The following CCDC85C variants were observed in gnomAD, a reference collection of about 807,000 sequenced individuals.
CCDC85C encodes coiled-coil domain-containing protein 85C.
Under a neutral mutation model 38.3 loss-of-function variants are expected in CCDC85C, and 18 were observed. The observed-to-expected ratio is 0.47, with a 90% CI of 0.33 to 0.70. CCDC85C has a LOEUF of 0.70. Among genes scored for constraint, CCDC85C ranks in the 30% least tolerant of loss-of-function variants. The pLI is 0.03. For missense variants in CCDC85C, 566 were observed against 621.2 expected, an observed-to-expected ratio of 0.91 and a Z score of 0.94; for synonymous variants, 264 against 293.8, an observed-to-expected ratio of 0.90 and a Z score of 1.04.
chr14:99,510,785 T>G lies in CCDC85C; in HGVS notation c.*4461A>C, dbSNP rs1897111193. 9 of 1,431,134 alleles carry G rather than the reference T, an allele frequency of 6.3e-6. No homozygotes were observed. The highest frequency in any genetic ancestry group is 2.0e-4 in the Middle Eastern group (1 of 4,884). 88.7% of individuals were successfully genotyped at this position (1,431,134 alleles called of 1,614,324 possible). ...GGCGGGCAGCCTGGATGAGATAACGTGAGCCTTTTTTCCCTCTTTGTTTTT... is the reference window on the plus strand; with the variant it reads ...GGCGGGCAGCCTGGATGAGATAACGGGAGCCTTTTTTCCCTCTTTGTTTTT... On this transcript the variant is annotated 3_prime_UTR_variant, in exon 6 of 6. Coordinates refer to ENST00000380243, the MANE Select transcript of CCDC85C (RefSeq NM_001144995.2).
At chr14:99,598,869 G>A (rs2055170520) in intron 1 of CCDC85C, among the ~76,000 whole-genome samples, 1 of 152,198 alleles carries the variant, frequency 6.6e-6, no homozygotes. Flanking sequence ...TGCTGTTTGT[G>A]GCAAACTGTG....
chr14:99,527,652 C>T (rs1220225475), intron 2 of CCDC85C, among the ~76,000 whole-genome samples: 1 of 152,166 alleles, frequency 6.6e-6, no homozygotes, highest in African/African-American at 2.4e-5. Context: ...TCATGCTGAC[C>T]CTCAGAACTG....
At chr14:99,519,832 G>A (rs998139224) in intron 3 of CCDC85C, among the ~76,000 whole-genome samples, 6 of 152,210 alleles carry the variant, frequency 3.9e-5, no homozygotes, top group Non-Finnish European at 7.3e-5. Context: ...CCATTTATAC[G>A]AAATATCCAG....
rs1298352006 is a variant in CCDC85C, at chr14:99,548,335, C to T, written c.794-12247G>A. 6.6e-6 allele frequency among the ~76,000 whole-genome samples: 1 copy of T among 152,050 alleles called. No homozygotes were observed. Among genetic ancestry groups the T allele is most frequent in the African/African-American group, 2.4e-5 (1 of 41,402 alleles). ...CAACCGCAGGTGTCATCAAGGAAACCCAATTCCGACAATGAGATGCCACTG... is the reference window on the plus strand; with the variant it reads ...CAACCGCAGGTGTCATCAAGGAAACTCAATTCCGACAATGAGATGCCACTG... On this transcript the variant is annotated intron_variant, in intron 1 of 5. Transcript: ENST00000380243. The surrounding 1 kb of genome is among the most constrained non-coding windows in gnomAD (Gnocchi z 4.9).
Position 99,530,829 on chromosome 14 carries a change from G to A in CCDC85C, c.867+5186C>T, listed in dbSNP as rs558427281. Among the ~76,000 whole-genome samples the A allele has an allele frequency of 2.7e-3, 412 of 152,334 alleles. 2 individuals are homozygous for A. Among genetic ancestry groups the A allele is most frequent in the Non-Finnish European group, 4.3e-3 (295 of 68,026 alleles). ...CCACACAGCAGGTGAGCGCTGGGGC[G>A]GGGGCTATTGGAGTTTACAGGGAGA... On this transcript the variant is annotated intron_variant, in intron 2 of 5. Transcript: ENST00000380243.
chr14:99,583,590 A>G (rs1235692661), intron 1 of CCDC85C, among the ~76,000 whole-genome samples: 1 of 151,984 alleles, frequency 6.6e-6, no homozygotes, highest in Non-Finnish European at 1.5e-5. Flanking sequence ...GCGGATCACA[A>G]GGTCAGAAGT....
chr14:99,546,141 G>A (rs372701193), intron 1 of CCDC85C, among the ~76,000 whole-genome samples: 1 of 152,030 alleles, frequency 6.6e-6, no homozygotes, highest in African/African-American at 2.4e-5. Context: ...GAATTTTGCT[G>A]GTTTCAGGAG....
Position 99,516,067 on chromosome 14 carries a change from C to T in CCDC85C, c.1170+121G>A, listed in dbSNP as rs996819450. 2.5e-6 allele frequency: 2 copies of T among 809,258 alleles called. No homozygotes were observed. The highest frequency in any genetic ancestry group is 2.1e-5 in the Admixed American group (1 of 48,278). 50.1% of individuals were successfully genotyped at this position (809,258 alleles called of 1,614,324 possible). On this transcript the variant is annotated intron_variant, in intron 5 of 5. Coordinates refer to ENST00000380243, the MANE Select transcript of CCDC85C (RefSeq NM_001144995.2). This position sits in a 1 kb window ranked among gnomAD's most constrained non-coding sequence, Gnocchi z 5.5. ...GCCTCCCCCCAGCTATCCAAGGTCA[C>T]CCAGCCTTCGCTGAGCATTCGAGAA...
At chr14:99,531,285 C>T (rs1473903571) in intron 2 of CCDC85C, among the ~76,000 whole-genome samples, 2 of 152,106 alleles carry the variant, frequency 1.3e-5, no homozygotes, top group Admixed American at 1.3e-4. Context: ...GTAAAGCTGG[C>T]TTTTTTGGCG....
chr14:99,599,878 T>C (rs2055181599), intron 1 of CCDC85C, among the ~76,000 whole-genome samples: 3 of 152,108 alleles, frequency 2.0e-5, no homozygotes, highest in Admixed American at 2.0e-4. Flanking sequence ...TGTCTCTAAA[T>C]AAATAATAAA....
At position 99,503,116 on chromosome 14, in the gene CCDC85C, G is replaced by A. The variant is rs1036436108; in HGVS notation, c.*12130C>T. On this transcript the variant is annotated 3_prime_UTR_variant, in exon 6 of 6. Coordinates refer to ENST00000380243, the MANE Select transcript of CCDC85C (RefSeq NM_001144995.2). ...GGGTGTTCGCCGAAACTCGCAGTCC[G>A]ACTGCTTGTCGGTGGGGAGCCTGAA... is the stretch of plus-strand genomic sequence containing the variant. The A allele has an allele frequency of 8.7e-5, 91 of 1,049,910 alleles. No individual in the cohort carries two copies. The highest frequency in any genetic ancestry group is 6.7e-4 in the African/African-American group (43 of 64,226). 65.0% of individuals were successfully genotyped at this position (1,049,910 alleles called of 1,614,324 possible). A position where few individuals can be genotyped will look rare whatever the true frequency, so the allele number is the denominator to read the frequency against.
chr14:99,513,753 G>T lies in CCDC85C; in HGVS notation c.*1493C>A. ...GAGCACAGGAGTCTGACGAGGACCT[G>T]GTGAGGTCCTGGACCCAAGAGCTAG... On this transcript the variant is annotated 3_prime_UTR_variant, in exon 6 of 6. Coordinates refer to ENST00000380243, the MANE Select transcript of CCDC85C (RefSeq NM_001144995.2). 6.6e-6 allele frequency: 1 copy of T among 152,406 alleles called. No individual in the cohort carries two copies. 9.4% of individuals were successfully genotyped at this position (152,406 alleles called of 1,614,324 possible).
chr14:99,537,305 A>T (rs1897622674), intron 1 of CCDC85C, among the ~76,000 whole-genome samples: 1 of 152,046 alleles, frequency 6.6e-6, no homozygotes, highest in African/African-American at 2.4e-5. Context: ...TCTAGTCCCC[A>T]TCACCACCTC....
chr14:99,601,786 T>C (rs1595113003), intron 1 of CCDC85C, among the ~76,000 whole-genome samples: 1 of 152,124 alleles, frequency 6.6e-6, no homozygotes, highest in African/African-American at 2.4e-5. Flanking sequence ...GTTGTAGCCA[T>C]AGATTGCTAA....
chr14:99,560,287 G>A (rs544033694), intron 1 of CCDC85C, among the ~76,000 whole-genome samples: 126 of 152,340 alleles, frequency 8.3e-4, no homozygotes, highest in Non-Finnish European at 1.2e-3. Context: ...GTAGGGTGAA[G>A]GGGCAGCCAG....
chr14:99,519,444 G>A (rs1312839895), intron 3 of CCDC85C, among the ~76,000 whole-genome samples: 1 of 152,050 alleles, frequency 6.6e-6, no homozygotes, highest in Non-Finnish European at 1.5e-5. Flanking sequence ...GACAAGGAGA[G>A]TGAGGCTAAG....
At chr14:99,581,336 C>T (rs760219384) in intron 1 of CCDC85C, among the ~76,000 whole-genome samples, 17 of 152,214 alleles carry the variant, frequency 1.1e-4, no homozygotes, top group Non-Finnish European at 2.1e-4. Context: ...TGGTCAGACC[C>T]ACCAGATGCT....
intron 1 of CCDC85C, among the ~76,000 whole-genome samples, chr14:99,553,511 C>T (rs1008336898): frequency 3.0e-4 from 46 of 152,156 alleles, no homozygotes; most frequent in African/African-American, 1.1e-3. Context: ...ACTACAGGCA[C>T]GTGCCACCAC....
Position 99,509,599 on chromosome 14 carries a change from A to T in CCDC85C, c.*5647T>A, listed in dbSNP as rs1187553023. On this transcript the variant is annotated 3_prime_UTR_variant, in exon 6 of 6. Coordinates refer to ENST00000380243, the MANE Select transcript of CCDC85C (RefSeq NM_001144995.2). ...CCTCTCAAGGAGGCTGCTATCTGAG[A>T]GCACACAGTGGGGTTTGATGTAGCC... is the stretch of plus-strand genomic sequence containing the variant. 1.2e-5 allele frequency: 2 copies of T among 160,514 alleles called. No homozygotes were observed. Among genetic ancestry groups the T allele is most frequent in the Non-Finnish European group, 2.7e-5 (2 of 72,854 alleles). The allele number at this position is 160,514 out of a possible 1,614,324, so 9.9% of individuals were successfully genotyped here.
Sources: allele counts gnomAD v4.1 joint callset (sites outside exome capture counted in the v4.1 genomes callset), GRCh38; gene constraint gnomAD v4.1.1; non-coding constraint Gnocchi (gnomAD v3.1); transcripts MANE v1.5; gene names NCBI Gene and HGNC (gene_info 2026-07-23, HGNC 2026-07-21).